The following PPA1 variants were observed in gnomAD, a reference collection of about 807,000 sequenced individuals.
PPA1 encodes the protein inorganic pyrophosphatase.
A neutral mutation model predicts 41.8 loss-of-function variants in PPA1; 23 were observed. The ratio of observed to expected loss-of-function variants is 0.55; its 90% CI spans 0.40 to 0.78. The LOEUF is 0.78. Among genes scored for constraint, PPA1 ranks in the 30% least tolerant of loss-of-function variants. The pLI is 0.00. For missense variants in PPA1, 320 were observed against 361.6 expected, an observed-to-expected ratio of 0.89 and a Z score of 0.93; for synonymous variants, 101 against 116.8, an observed-to-expected ratio of 0.86 and a Z score of 0.87.
chr10:70,221,076 A>ATTTTT (rs11310336), intron 2 of PPA1, among the ~76,000 whole-genome samples: 1 of 40,028 alleles, frequency 2.5e-5, no homozygotes, highest in Non-Finnish European at 3.6e-5. Flanking sequence ...ATATATATAT[A>ATTTTT]TTTTTTTTTT....
chr10:70,219,587 G>A (rs1840113323), intron 2 of PPA1, among the ~76,000 whole-genome samples: 1 of 152,158 alleles, frequency 6.6e-6, no homozygotes, highest in Admixed American at 6.5e-5. Flanking sequence ...CAATTCGGCT[G>A]TTTTTAGAAA....
intron 2 of PPA1, among the ~76,000 whole-genome samples, chr10:70,221,077 T>TATATATATATATATATATAA (rs1491245702): frequency 1.0e-4 from 1 of 9,978 alleles, no homozygotes; most frequent in African/African-American, 2.7e-4. Context: ...TATATATATA[T>TATATATATATATATATATAA]TTTTTTTTTT....
chr10:70,218,950 G>T, intron 2 of PPA1, 133 bp from the exon 3 acceptor site: 1 of 648,640 alleles, frequency 1.5e-6, no homozygotes, highest in South Asian at 1.8e-5. Flanking sequence ...TCAACAAAAT[G>T]CATCAAAAAA....
chr10:70,209,764 T>G lies in PPA1; in HGVS notation c.512-79A>C, dbSNP rs1175298222. On this transcript the variant is annotated intron_variant, in intron 6 of 10. Transcript: ENST00000373232. ...AGAAGAGAATAAGCAGATTTCAAGA[T>G]GCACAAATAATTATACACTCAACAA... 2.1e-6 allele frequency: 3 copies of G among 1,450,750 alleles called. No individual in the cohort carries two copies. In the East Asian group the frequency reaches 6.8e-5, roughly 33 times the overall value. 89.9% of individuals were successfully genotyped at this position (1,450,750 alleles called of 1,614,324 possible).
intron 7 of PPA1, 70 bp downstream of exon 7, chr10:70,209,488 T>C: frequency 6.7e-7 from 1 of 1,500,704 alleles, no homozygotes; most frequent in Non-Finnish European, 9.0e-7. Flanking sequence ...CTTTAGATGG[T>C]AACAATATGG....
At chr10:70,210,752 C>A (rs935327556) in intron 6 of PPA1, among the ~76,000 whole-genome samples, 2 of 149,412 alleles carry the variant, frequency 1.3e-5, no homozygotes, top group Non-Finnish European at 3.0e-5. Flanking sequence ...TATAAGATAA[C>A]ATTGCTTCAC....
chr10:70,210,360 A>G, intron 6 of PPA1: 1 of 1,364,058 alleles, frequency 7.3e-7, no homozygotes. Flanking sequence ...TACAGGCTTG[A>G]GGTACTATCC....
chr10:70,230,861 AG>A (rs546037308), intron 1 of PPA1, among the ~76,000 whole-genome samples: 72 of 152,374 alleles, frequency 4.7e-4, no homozygotes, highest in African/African-American at 1.7e-3. Flanking sequence ...CTCCCAGGCT[AG>A]GCTGGGTTTA....
At chr10:70,231,065 C>T (rs1301106861) in intron 1 of PPA1, among the ~76,000 whole-genome samples, 3 of 152,124 alleles carry the variant, frequency 2.0e-5, no homozygotes, top group African/African-American at 7.2e-5. Flanking sequence ...AAGTGGTGTT[C>T]CCAGAGACAG....
At chr10:70,212,704 G>A (rs1047990082) in intron 6 of PPA1, among the ~76,000 whole-genome samples, 1 of 152,010 alleles carries the variant, frequency 6.6e-6, no homozygotes, top group South Asian at 2.1e-4. Context: ...GAGGAGGAGG[G>A]AATAGGGAAT....
At chr10:70,223,635 TG>T (rs1187092206) in intron 2 of PPA1, among the ~76,000 whole-genome samples, 2 of 152,024 alleles carry the variant, frequency 1.3e-5, no homozygotes, top group African/African-American at 4.8e-5. Flanking sequence ...TGAACAACAG[TG>T]ATATTTAGGA....
chr10:70,204,079 C>G (rs1839909794), intron 10 of PPA1: 1 of 152,448 alleles, frequency 6.6e-6, no homozygotes, highest in Non-Finnish European at 1.5e-5. Flanking sequence ...TGGCTCACGC[C>G]TGTAATCCTA....
At chr10:70,221,041 T>TTATATATATATAATTTA (rs1564584573) in intron 2 of PPA1, among the ~76,000 whole-genome samples, 20 of 64,922 alleles carry the variant, frequency 3.1e-4, no homozygotes, top group African/African-American at 4.8e-4. Flanking sequence ...TATATATAAA[T>TTATATATATATAATTTA]TATATATATA....
At position 70,202,895 on chromosome 10, in the gene PPA1, C is replaced by T. The variant is rs967815707; in HGVS notation, c.*260G>A. ...AACATATACATCCAATATGTGCTCC[C>T]CTTGCACATCTATTCACAAGTGACT... On this transcript the variant is annotated 3_prime_UTR_variant, in exon 11 of 11. Coordinates refer to ENST00000373232, the MANE Select transcript of PPA1 (RefSeq NM_021129.4). 8.4e-6 allele frequency: 4 copies of T among 476,864 alleles called. No homozygotes were observed. Among genetic ancestry groups the T allele is most frequent in the African/African-American group, 8.0e-5 (4 of 49,690 alleles). 29.5% of individuals were successfully genotyped at this position (476,864 alleles called of 1,614,324 possible).
chr10:70,210,798 C>T (rs1365669973), intron 6 of PPA1, among the ~76,000 whole-genome samples: 1 of 151,048 alleles, frequency 6.6e-6, no homozygotes, highest in Non-Finnish European at 1.5e-5. Context: ...AGGAGTCTCG[C>T]TCTGTCTCCC....
chr10:70,209,687 TAAG>T lies in PPA1; in HGVS notation c.512-5_512-3del, dbSNP rs756408850. The T allele has an allele frequency of 1.0e-5, 16 of 1,590,286 alleles. No homozygotes were observed. Among genetic ancestry groups the T allele is most frequent in the Admixed American group, 8.8e-5 (5 of 56,950 alleles). On this transcript the variant is annotated splice_polypyrimidine_tract_variant and splice_region_variant and intron_variant, in intron 6 of 10. Coordinates refer to ENST00000373232, the MANE Select transcript of PPA1 (RefSeq NM_021129.4). ...TCAGCCGTTTGACATCATTGATATCTAAGAAGAGAAGAAGCATAAGATGACAGT... is the reference window on the plus strand; with the variant it reads ...TCAGCCGTTTGACATCATTGATATCTAAGAGAAGAAGCATAAGATGACAGT...
At chr10:70,210,320 TC>T in intron 6 of PPA1, 3 of 1,309,908 alleles carry the variant, frequency 2.3e-6, no homozygotes, top group Middle Eastern at 2.1e-4. Context: ...CAAGCAATCC[TC>T]CTGCCTTGGC....
At chr10:70,232,995 C>T (rs1840305353) in intron 1 of PPA1, among the ~76,000 whole-genome samples, 1 of 152,198 alleles carries the variant, frequency 6.6e-6, no homozygotes, top group African/African-American at 2.4e-5. Flanking sequence ...ACCTGCAAAA[C>T]TAGCTGGGCC....
chr10:70,215,027 T>A (rs1670180096), intron 4 of PPA1, among the ~76,000 whole-genome samples: 1 of 152,074 alleles, frequency 6.6e-6, no homozygotes, highest in African/African-American at 2.4e-5. Context: ...AAACACTGTA[T>A]CTACTAAAAA....
Sources: gnomAD v4.1 joint callset for allele counts (sites outside exome capture counted in the v4.1 genomes callset) on GRCh38, gnomAD v4.1.1 for gene constraint, MANE v1.5 for transcripts, NCBI Gene and HGNC (gene_info 2026-07-23, HGNC 2026-07-21) for gene names.